Variants in STAU2 observed in about 807,000 individuals in gnomAD.
STAU2 encodes staufen double-stranded RNA binding protein 2, also known as double-stranded RNA-binding protein Staufen homolog 2.
STAU2 carries 20 observed loss-of-function variants against 65.9 expected under a neutral mutation model. The ratio of observed to expected loss-of-function variants is 0.30; its 90% confidence interval spans 0.21 to 0.44. The LOEUF is 0.44. Ranked by LOEUF, STAU2 falls within the 20% of genes least tolerant of loss-of-function variation. The pLI is 1.00. For synonymous variants in STAU2, 232 were observed against 233.9 expected (o/e 0.99, Z 0.07); for missense variants, 558 against 683.9 (o/e 0.82, Z 2.05).
chr8:73,469,936 G>A (rs1319805174), intron 13 of STAU2, among the ~76,000 whole-genome samples: 2 of 152,150 alleles, frequency 1.3e-5, no homozygotes, highest in African/African-American at 4.8e-5. Flanking sequence ...GTAAACAAAA[G>A]GCAGCACAAG....
intron 9 of STAU2, among the ~76,000 whole-genome samples, chr8:73,604,647 C>G (rs75498019): frequency 0.02 from 3,086 of 152,270 alleles, 83 homozygotes; most frequent in African/African-American, 0.066. Context: ...GAGATAAATA[C>G]TTCACATAAG....
intron 7 of STAU2, among the ~76,000 whole-genome samples, chr8:73,617,026 T>G (rs185086394): frequency 1.3e-5 from 2 of 152,274 alleles, no homozygotes; most frequent in East Asian, 3.9e-4. Flanking sequence ...TCAATAAACA[T>G]AGTATGAAAT....
chr8:73,673,811 C>A (rs56328433), intron 5 of STAU2, among the ~76,000 whole-genome samples: 1 of 151,658 alleles, frequency 6.6e-6, no homozygotes, highest in Non-Finnish European at 1.5e-5. Flanking sequence ...AAGATACGTA[C>A]AAGTAGCATT....
intron 1 of STAU2, among the ~76,000 whole-genome samples, chr8:73,740,656 G>T (rs1806786476): frequency 6.6e-6 from 1 of 151,976 alleles, no homozygotes; most frequent in Non-Finnish European, 1.5e-5. Flanking sequence ...AAAGTAAAGT[G>T]TGAATAACCA....
intron 4 of STAU2, among the ~76,000 whole-genome samples, chr8:73,689,171 G>C (rs1053935697): frequency 6.6e-6 from 1 of 152,130 alleles, no homozygotes; most frequent in Non-Finnish European, 1.5e-5. Context: ...GAAGCCAAAA[G>C]ACCATGTGTC....
At chr8:73,685,335 T>A (rs1381045907) in intron 5 of STAU2, among the ~76,000 whole-genome samples, 1 of 151,514 alleles carries the variant, frequency 6.6e-6, no homozygotes, top group Non-Finnish European at 1.5e-5. Flanking sequence ...AATAAAAAAA[T>A]AAAGGATGTT....
intron 11 of STAU2, among the ~76,000 whole-genome samples, chr8:73,589,879 G>C (rs1321732007): frequency 6.6e-6 from 1 of 151,880 alleles, no homozygotes; most frequent in Non-Finnish European, 1.5e-5. Context: ...CAAGGAGGAT[G>C]ACAAAGATGA....
chr8:73,567,730 A>G (rs1808723288), intron 12 of STAU2, among the ~76,000 whole-genome samples: 1 of 151,924 alleles, frequency 6.6e-6, no homozygotes, highest in African/African-American at 2.4e-5. Context: ...TTGTATTTTT[A>G]GCAGAGATGG....
chr8:73,421,048 A>G lies in STAU2; in HGVS notation c.*324T>C. 1 of 231,916 alleles carries G rather than the reference A, an allele frequency of 4.3e-6. No homozygotes were observed. Among genetic ancestry groups the G allele is most frequent in the Non-Finnish European group, 8.4e-6 (1 of 119,256 alleles). The allele number at this position is 231,916 out of a possible 1,614,324, so 14.4% of individuals were successfully genotyped here. On this transcript the variant is annotated 3_prime_UTR_variant, in exon 15 of 15. Transcript: ENST00000524300. ...CAGAACCAAACCCAACTTCTCTATTATTAATCATGTTAAAATTTTAGCTTT... is the reference window on the plus strand; with the variant it reads ...CAGAACCAAACCCAACTTCTCTATTGTTAATCATGTTAAAATTTTAGCTTT...
intron 6 of STAU2, among the ~76,000 whole-genome samples, chr8:73,619,047 A>G (rs1813041350): frequency 1.3e-5 from 2 of 151,140 alleles, no homozygotes; most frequent in African/African-American, 2.4e-5. Flanking sequence ...CAACTGGACA[A>G]CTGAATTTAT....
At chr8:73,449,259 C>A (rs1292069528) in intron 13 of STAU2, among the ~76,000 whole-genome samples, 4 of 152,210 alleles carry the variant, frequency 2.6e-5, no homozygotes, top group Admixed American at 6.5e-5. Context: ...GCTCTGGAGG[C>A]CGGAAGTCCA....
At chr8:73,490,794 T>C (rs1245770822) in intron 13 of STAU2, among the ~76,000 whole-genome samples, 1 of 152,006 alleles carries the variant, frequency 6.6e-6, no homozygotes, top group Admixed American at 6.6e-5. Context: ...GTAGGAAATT[T>C]CTTAAAGAAT....
Position 73,552,075 on chromosome 8 carries a change from G to T in STAU2, c.1467C>A (p.Pro489=). The change falls in exon 13 of 15, where the codon CCC becomes CCA. Residue 489 remains proline, a synonymous_variant. Coordinates refer to ENST00000524300, the MANE Select transcript of STAU2 (RefSeq NM_001164380.2). ...TTGAAGGTTGTACTGGAGAACAAGG[G>T]GGAGTAGGAGAACTTCCTTTTAAAC... is the stretch of plus-strand genomic sequence containing the variant. ...AIGLKGSSPT[P]PCSPVQPSKQ... is the part of the protein sequence containing the mutation. The T allele has an allele frequency of 6.2e-7, 1 of 1,611,446 alleles. No homozygotes were observed. Among genetic ancestry groups the T allele is most frequent in the Non-Finnish European group, 8.5e-7 (1 of 1,178,286 alleles).
intron 9 of STAU2, among the ~76,000 whole-genome samples, chr8:73,610,875 A>C (rs10957680): frequency 6.6e-6 from 1 of 152,206 alleles, no homozygotes; most frequent in African/African-American, 2.4e-5. Context: ...CAATTAACCA[A>C]TATCAAATGG....
At chr8:73,448,491 C>G (rs984402004) in intron 13 of STAU2, among the ~76,000 whole-genome samples, 16 of 152,266 alleles carry the variant, frequency 1.1e-4, no homozygotes, top group African/African-American at 3.9e-4. Flanking sequence ...CCCTGTTGTC[C>G]AGGCTGTTCT....
At chr8:73,642,736 G>A (rs1308473028) in intron 6 of STAU2, among the ~76,000 whole-genome samples, 2 of 152,198 alleles carry the variant, frequency 1.3e-5, no homozygotes, top group Non-Finnish European at 2.9e-5. Flanking sequence ...CCTGGGGAAT[G>A]TCAGGGTAGG....
In STAU2 at chr8:73,656,660, A is replaced by C. The variant is rs1306302177; in HGVS notation, c.410+16447T>G. 3.3e-5 allele frequency among the ~76,000 whole-genome samples: 5 copies of C among 152,206 alleles called. No homozygotes were observed. The South Asian group carries it at 6.2e-4, about 19-fold the overall frequency. ...AACATTTGTTTTATAAAATGTTTTG[A>C]TCTTATCATACACTTCAAATATATT... On this transcript the variant is annotated intron_variant, in intron 6 of 14. Coordinates refer to ENST00000524300, the MANE Select transcript of STAU2 (RefSeq NM_001164380.2).
At chr8:73,574,825 A>G (rs540412516) in intron 12 of STAU2, among the ~76,000 whole-genome samples, 43 of 152,074 alleles carry the variant, frequency 2.8e-4, no homozygotes, top group African/African-American at 7.5e-4. Flanking sequence ...GTTAATGGGT[A>G]CAGCACACCA....
chr8:73,609,293 A>G (rs1014200661), intron 9 of STAU2, among the ~76,000 whole-genome samples: 5 of 152,130 alleles, frequency 3.3e-5, no homozygotes, highest in African/African-American at 1.2e-4. Context: ...GAAAGGAAAG[A>G]GCAAAGGAAA....
Sources: allele counts gnomAD v4.1 joint callset (sites outside exome capture counted in the v4.1 genomes callset), GRCh38; gene constraint gnomAD v4.1.1; transcripts MANE v1.5; gene names NCBI Gene and HGNC (gene_info 2026-07-23, HGNC 2026-07-21).